ATP8A1: variants seen among roughly 807,000 people sequenced by gnomAD.
ATP8A1 encodes phospholipid-transporting ATPase IA.
ATP8A1 carries 90 observed loss-of-function variants against 177.7 expected under a neutral mutation model. The ratio of observed to expected loss-of-function variants is 0.51; its 90% confidence interval spans 0.43 to 0.60. The LOEUF is 0.60. ATP8A1 is among the 20% of genes least tolerant of loss of function. The pLI is 0.00. For synonymous variants in ATP8A1, 493 were observed against 485.9 expected (o/e 1.01, Z -0.19); for missense variants, 1,072 against 1,392.8 (o/e 0.77, Z 3.67).
At chr4:42,468,830 G>A (rs1720095283) in intron 25 of ATP8A1, among the ~76,000 whole-genome samples, 1 of 152,108 alleles carries the variant, frequency 6.6e-6, no homozygotes, top group African/African-American at 2.4e-5. Context: ...TAAAACAAAA[G>A]ACATAATGGA....
intron 25 of ATP8A1, among the ~76,000 whole-genome samples, chr4:42,482,330 CAAACAAA>C (rs1326713556): frequency 1.1e-5 from 1 of 94,696 alleles, no homozygotes. Flanking sequence ...AACAAACAAA[CAAACAAA>C]AAAAAAAAAG....
chr4:42,494,498 T>C (rs1723073834), intron 24 of ATP8A1, among the ~76,000 whole-genome samples: 1 of 152,146 alleles, frequency 6.6e-6, no homozygotes, highest in African/African-American at 2.4e-5. Context: ...AATTTTAAGT[T>C]TTCTTATGAA....
intron 3 of ATP8A1, 69 bp downstream of exon 3, chr4:42,625,545 G>T: frequency 9.8e-7 from 1 of 1,024,354 alleles, no homozygotes. Flanking sequence ...TAAACCTCAG[G>T]GGATTGGTCA....
intron 25 of ATP8A1, among the ~76,000 whole-genome samples, chr4:42,469,105 T>C (rs1720119841): frequency 6.6e-6 from 1 of 152,178 alleles, no homozygotes; most frequent in Admixed American, 6.5e-5. Flanking sequence ...TGATTCCTTT[T>C]ACCCCAGTTT....
rs1199509246 is a variant in ATP8A1, at chr4:42,464,750, G to A, written c.2559C>T (p.Asn853=). 6.2e-7 allele frequency: 1 copy of A among 1,613,750 alleles called. No homozygotes were observed. The highest frequency in any genetic ancestry group is 8.5e-7 in the Non-Finnish European group (1 of 1,179,684). The change falls in exon 27 of 37, where the codon AAC becomes AAT. Residue 853 remains asparagine, a synonymous_variant. Transcript: ENST00000381668. The part of the protein sequence containing the change: ...LLMIHGAWNY[N]RVSKCILYCF... ...AGTATAAGATGCACTTGGAGACTCT[G>A]TTATAGTTCCAGGCACCATGAATCA...
intron 4 of ATP8A1, among the ~76,000 whole-genome samples, chr4:42,618,352 A>G (rs552547014): frequency 2.2e-4 from 33 of 152,314 alleles, no homozygotes; most frequent in Non-Finnish European, 4.1e-4. Flanking sequence ...TGCAGTTTCA[A>G]TTATAACCAG....
chr4:42,478,007 A>G (rs1721262421), intron 25 of ATP8A1, among the ~76,000 whole-genome samples: 1 of 151,848 alleles, frequency 6.6e-6, no homozygotes, highest in African/African-American at 2.4e-5. Context: ...ACAAAAAATA[A>G]ATTCGTTCTA....
chr4:42,439,950 T>G (rs1716437790), intron 33 of ATP8A1, among the ~76,000 whole-genome samples: 1 of 152,204 alleles, frequency 6.6e-6, no homozygotes. Flanking sequence ...AGTCAGATAG[T>G]GATGTCAGAT....
chr4:42,506,433 T>C (rs1256952735), intron 23 of ATP8A1, among the ~76,000 whole-genome samples: 1 of 152,200 alleles, frequency 6.6e-6, no homozygotes, highest in African/African-American at 2.4e-5. Flanking sequence ...AACGATGAGA[T>C]ATAAATTTGT....
At chr4:42,608,813 GT>G (rs1374931059) in intron 5 of ATP8A1, among the ~76,000 whole-genome samples, 1 of 152,192 alleles carries the variant, frequency 6.6e-6, no homozygotes, top group African/African-American at 2.4e-5. Flanking sequence ...AAGGACTGTA[GT>G]ATAGCTGAGA....
At chr4:42,469,244 A>G (rs1720131920) in intron 25 of ATP8A1, among the ~76,000 whole-genome samples, 2 of 152,204 alleles carry the variant, frequency 1.3e-5, no homozygotes, top group South Asian at 4.1e-4. Context: ...TGAGATATTT[A>G]ATTAAATGAT....
intron 20 of ATP8A1, among the ~76,000 whole-genome samples, chr4:42,527,199 A>C (rs1726763159): frequency 6.6e-6 from 1 of 152,292 alleles, no homozygotes; most frequent in East Asian, 1.9e-4. Flanking sequence ...TCCTGCAGGG[A>C]AAGAGCTGAA....
chr4:42,635,469 G>C (rs547721170), intron 1 of ATP8A1, among the ~76,000 whole-genome samples: 2 of 151,880 alleles, frequency 1.3e-5, no homozygotes, highest in South Asian at 4.2e-4. Flanking sequence ...TCTTGACTTA[G>C]GTTGGGGTCA....
intron 5 of ATP8A1, 124 bp from the exon 6 acceptor site, chr4:42,600,642 A>G: frequency 1.2e-6 from 1 of 808,950 alleles, no homozygotes; most frequent in Non-Finnish European, 1.9e-6. Flanking sequence ...TTTATAGGTT[A>G]AAATTCTAAT....
chr4:42,505,976 A>T (rs1239072491), intron 23 of ATP8A1, among the ~76,000 whole-genome samples: 2 of 152,100 alleles, frequency 1.3e-5, no homozygotes. Flanking sequence ...TTCCAATGCC[A>T]AACAACTTTC....
intron 4 of ATP8A1, among the ~76,000 whole-genome samples, chr4:42,619,427 G>C (rs1161489378): frequency 1.3e-5 from 2 of 152,080 alleles, no homozygotes; most frequent in African/African-American, 2.4e-5. Flanking sequence ...TTTTAGAAGA[G>C]AGTTCTCCAT....
chr4:42,639,940 A>C (rs1739796005), intron 1 of ATP8A1, among the ~76,000 whole-genome samples: 1 of 152,224 alleles, frequency 6.6e-6, no homozygotes, highest in Admixed American at 6.5e-5. Flanking sequence ...CAATGCCTAC[A>C]CGTCATTTGC....
intron 25 of ATP8A1, chr4:42,471,899 T>C (rs1480465396): frequency 1.7e-5 from 11 of 638,864 alleles, no homozygotes; most frequent in African/African-American, 3.6e-5. Flanking sequence ...CTTCTGGAGC[T>C]GGAGATAAAC....
chr4:42,537,631 C>A (rs1727983481), intron 20 of ATP8A1, among the ~76,000 whole-genome samples: 1 of 152,060 alleles, frequency 6.6e-6, no homozygotes, highest in South Asian at 2.1e-4. Flanking sequence ...AGTGACCAAG[C>A]TGAGAATCAA....
Sources: allele counts gnomAD v4.1 joint callset (sites outside exome capture counted in the v4.1 genomes callset), GRCh38; gene constraint gnomAD v4.1.1; transcripts MANE v1.5; gene names NCBI Gene and HGNC (gene_info 2026-07-23, HGNC 2026-07-21).